FNDC3A: variants seen among roughly 807,000 people sequenced by gnomAD.
FNDC3A encodes the protein fibronectin type III domain containing 3A.
Under a neutral mutation model 148.9 loss-of-function variants are expected in FNDC3A, and 32 were observed. The ratio of observed to expected loss-of-function variants is 0.21; its 90% CI spans 0.16 to 0.29. FNDC3A has a LOEUF of 0.29. Ranked by LOEUF, FNDC3A falls within the 10% of genes least tolerant of loss-of-function variation. The pLI, the probability that FNDC3A is intolerant of heterozygous loss-of-function variation, is 1.00. For synonymous variants in FNDC3A, 472 were observed against 473.6 expected, an observed-to-expected ratio of 1.00 and a Z score of 0.04; for missense variants, 1,191 against 1,452.8, an observed-to-expected ratio of 0.82 and a Z score of 2.93.
intron 2 of FNDC3A, among the ~76,000 whole-genome samples, chr13:49,042,364 T>G (rs1387827542): frequency 6.6e-6 from 1 of 152,246 alleles, no homozygotes; most frequent in Non-Finnish European, 1.5e-5. Context: ...ACAACTATTT[T>G]ATCATCTTCC....
At chr13:48,983,802 A>G (rs1951738644) in intron 1 of FNDC3A, among the ~76,000 whole-genome samples, 1 of 152,232 alleles carries the variant, frequency 6.6e-6, no homozygotes, top group Non-Finnish European at 1.5e-5. Context: ...TAGAGTAATA[A>G]TAGAAGCACT....
chr13:49,058,953 A>G (rs1169975825), intron 2 of FNDC3A, among the ~76,000 whole-genome samples: 1 of 152,226 alleles, frequency 6.6e-6, no homozygotes, highest in African/African-American at 2.4e-5. Flanking sequence ...ATTTGTACCT[A>G]GCTTTCAGTT....
At chr13:49,121,719 C>A (rs144697021) in intron 4 of FNDC3A, among the ~76,000 whole-genome samples, 98 of 152,260 alleles carry the variant, frequency 6.4e-4, no homozygotes, top group African/African-American at 2.0e-3. Flanking sequence ...ACTATAAACA[C>A]CTCTATGCAA....
intron 6 of FNDC3A, among the ~76,000 whole-genome samples, chr13:49,137,341 T>TTTTG (rs747494922): frequency 3.3e-5 from 5 of 152,146 alleles, no homozygotes; most frequent in African/African-American, 7.2e-5. Context: ...TTTTATTGGT[T>TTTTG]TTTGTTTGTT....
intron 4 of FNDC3A, among the ~76,000 whole-genome samples, chr13:49,128,128 C>T (rs1158252402): frequency 6.6e-6 from 1 of 152,204 alleles, no homozygotes; most frequent in Non-Finnish European, 1.5e-5. Context: ...GATCCACCCA[C>T]CTCGGCCTCC....
chr13:49,140,777 C>T (rs1422798883), intron 7 of FNDC3A, among the ~76,000 whole-genome samples: 2 of 152,162 alleles, frequency 1.3e-5, no homozygotes, highest in Non-Finnish European at 1.5e-5. Context: ...AAGCATCACA[C>T]AATGAATGTT....
At chr13:48,988,802 G>A (rs1951853381) in intron 1 of FNDC3A, among the ~76,000 whole-genome samples, 1 of 150,828 alleles carries the variant, frequency 6.6e-6, no homozygotes. Flanking sequence ...CCATGATTGT[G>A]CCACTGCACT....
At chr13:49,149,874 G>C (rs1305026113) in intron 8 of FNDC3A, among the ~76,000 whole-genome samples, 1 of 152,108 alleles carries the variant, frequency 6.6e-6, no homozygotes, top group Non-Finnish European at 1.5e-5. Flanking sequence ...CTCGTTATTG[G>C]TTGGTTCATA....
At chr13:49,170,308 A>G (rs572782588) in intron 10 of FNDC3A, among the ~76,000 whole-genome samples, 1 of 152,296 alleles carries the variant, frequency 6.6e-6, no homozygotes, top group East Asian at 1.9e-4. Flanking sequence ...AATGAGCGTA[A>G]TAACTATTGT....
chr13:49,193,898 G>A (rs188962323), intron 19 of FNDC3A, among the ~76,000 whole-genome samples: 9 of 149,080 alleles, frequency 6.0e-5, no homozygotes, highest in African/African-American at 1.5e-4. Context: ...CAGCCTGGGC[G>A]ACAGAGTGAG....
Position 49,188,644 on chromosome 13 carries a change from T to A in FNDC3A, c.1944+11T>A. The A allele has an allele frequency of 6.5e-7, 1 of 1,544,948 alleles. No individual in the cohort carries two copies. The highest frequency in any genetic ancestry group is 8.9e-7 in the Non-Finnish European group (1 of 1,117,910). The stretch of plus-strand genomic sequence containing the variant: ...GGAGGACAGAGTGCGGTAATACTTA[T>A]ATGTAGATTCTTTTGTGTTGTTATT... On this transcript the variant is annotated intron_variant, in intron 17 of 25. Transcript: ENST00000492622.
At chr13:49,165,570 A>C (rs1884408443) in intron 8 of FNDC3A, among the ~76,000 whole-genome samples, 1 of 152,120 alleles carries the variant, frequency 6.6e-6, no homozygotes, top group African/African-American at 2.4e-5. Flanking sequence ...CAGCAGGCCC[A>C]AGCCTACCTG....
chr13:49,180,927 A>G (rs1885269254), intron 14 of FNDC3A, among the ~76,000 whole-genome samples: 1 of 152,060 alleles, frequency 6.6e-6, no homozygotes. Context: ...TTCTATTTAA[A>G]AGCCACCAGG....
At chr13:49,045,651 T>G (rs2137698118) in intron 2 of FNDC3A, 4 of 934,450 alleles carry the variant, frequency 4.3e-6, no homozygotes, top group Non-Finnish European at 6.3e-6. Context: ...CTACAATACA[T>G]TTTTTCCTAA....
intron 1 of FNDC3A, among the ~76,000 whole-genome samples, chr13:48,999,324 A>G (rs1004291296): frequency 6.6e-6 from 1 of 152,200 alleles, no homozygotes; most frequent in East Asian, 1.9e-4. Flanking sequence ...TGCTTGGGAC[A>G]TGTCACCCCT....
intron 3 of FNDC3A, among the ~76,000 whole-genome samples, 155 bp from the exon 4 acceptor site, chr13:49,114,500 A>G (rs544904725): frequency 1.4e-5 from 2 of 138,342 alleles, no homozygotes; most frequent in South Asian, 2.4e-4. Context: ...ATAAATTTTT[A>G]TAACAAGTCA....
chr13:49,078,790 A>G (rs1376393754), intron 3 of FNDC3A, among the ~76,000 whole-genome samples: 2 of 152,214 alleles, frequency 1.3e-5, no homozygotes, highest in African/African-American at 2.4e-5. Flanking sequence ...GAGATTATTA[A>G]TAGAAGTGGA....
chr13:48,981,733 C>T (rs1951697551), intron 1 of FNDC3A, among the ~76,000 whole-genome samples: 1 of 152,018 alleles, frequency 6.6e-6, no homozygotes, highest in Non-Finnish European at 1.5e-5. Flanking sequence ...GCTAGAAATA[C>T]AAAGTGCAAT....
chr13:49,179,548 G>A (rs1885203033), intron 14 of FNDC3A, among the ~76,000 whole-genome samples: 1 of 152,188 alleles, frequency 6.6e-6, no homozygotes, highest in African/African-American at 2.4e-5. Context: ...ATGGTGCCAA[G>A]TGGTGATTTT....
Sources: gnomAD v4.1 joint callset for allele counts (sites outside exome capture counted in the v4.1 genomes callset) on GRCh38, gnomAD v4.1.1 for gene constraint, MANE v1.5 for transcripts, NCBI Gene and HGNC (gene_info 2026-07-23, HGNC 2026-07-21) for gene names.